The following MYH15 variants were observed in gnomAD, a reference collection of about 807,000 sequenced individuals.
MYH15 encodes the protein myosin heavy chain 15.
A neutral mutation model predicts 240.5 loss-of-function variants in MYH15; 227 were observed. The ratio of observed to expected loss-of-function variants is 0.94; its 90% confidence interval spans 0.85 to 1.05. The LOEUF is 1.05. MYH15 is among the 50% of genes least tolerant of loss of function. The pLI, the probability that MYH15 is intolerant of heterozygous loss-of-function variation, is 0.00. For synonymous variants in MYH15, 785 were observed against 796.7 expected (o/e 0.99, Z 0.25); for missense variants, 2,217 against 2,247.5 (o/e 0.99, Z 0.27).
At chr3:108,476,663 C>T in intron 11 of MYH15, 148 bp from the exon 12 acceptor site, 1 of 523,068 alleles carries the variant, frequency 1.9e-6, no homozygotes, top group East Asian at 3.0e-5. Flanking sequence ...CAAATAAATG[C>T]CTGAATCCTA....
chr3:108,481,850 G>T (rs958796284), intron 11 of MYH15, among the ~76,000 whole-genome samples: 7 of 152,172 alleles, frequency 4.6e-5, no homozygotes, highest in Admixed American at 4.6e-4. Context: ...ATATCATAGA[G>T]GTTAAGGAAG....
the MYH15 span, among the ~76,000 whole-genome samples, chr3:108,541,848 A>G: frequency 0.43 from 65,009 of 151,954 alleles, 14,800 homozygotes; most frequent in East Asian, 0.59. Context: ...ATATCATGAA[A>G]TGATTTCCTA....
At chr3:108,535,852 A>T in the MYH15 span, among the ~76,000 whole-genome samples, 1 of 152,328 alleles carries the variant, frequency 6.6e-6, no homozygotes, top group Admixed American at 6.5e-5. Flanking sequence ...CTCTGGCATG[A>T]GTATTCGCTA....
chr3:108,428,645 A>T lies in MYH15; in HGVS notation c.3549T>A (p.Ser1183=), dbSNP rs1443905001. 6.2e-7 allele frequency: 1 copy of T among 1,613,096 alleles called. No homozygotes were observed. The highest frequency in any genetic ancestry group is 1.7e-5 in the Admixed American group (1 of 59,878). ...ATLHFETTSA[S]LKKRHADSLA... Reference sequence around the variant, plus strand: ...GGCTGTCTGCATGTCTCTTCTTCAAAGATGCAGAAGTTGTCTCAAAGTGCA... The same window carrying T: ...GGCTGTCTGCATGTCTCTTCTTCAATGATGCAGAAGTTGTCTCAAAGTGCA... Residue 1183 remains serine (S), a synonymous_variant, in exon 27 of 41, where the codon TCT becomes TCA. Coordinates refer to ENST00000693548, the MANE Select transcript of MYH15 (RefSeq NM_014981.3).
intron 27 of MYH15, among the ~76,000 whole-genome samples, chr3:108,425,544 C>T (rs558522657): frequency 1.1e-4 from 17 of 152,144 alleles, no homozygotes; most frequent in South Asian, 2.1e-4. Flanking sequence ...TGACCTGCTG[C>T]GATAATTGAC....
Position 108,475,849 on chromosome 3 carries a change from A to G in MYH15, c.1233+548T>C, listed in dbSNP as rs113057413. Among the ~76,000 whole-genome samples the G allele has an allele frequency of 9.2e-3, 1,404 of 152,314 alleles. 22 individuals carry two copies. The highest frequency in any genetic ancestry group is 0.032 in the African/African-American group (1,323 of 41,572). ...TTTACTGCATTAAGGCAAAGCCTCA[A>G]AGAATTTGTTATTCTCTACTATAAC... On this transcript the variant is annotated intron_variant, in intron 12 of 40. Transcript: ENST00000693548.
intron 27 of MYH15, among the ~76,000 whole-genome samples, chr3:108,423,141 T>C (rs2082697297): frequency 6.6e-6 from 1 of 152,124 alleles, no homozygotes; most frequent in Non-Finnish European, 1.5e-5. Context: ...CGCCCGCAGC[T>C]TGAATCCCAG....
At position 108,391,935 on chromosome 3, in the gene MYH15, G is replaced by A. The variant is rs1262384182; in HGVS notation, c.5260-5C>T. 1 of 1,612,064 alleles carries A rather than the reference G, an allele frequency of 6.2e-7. No homozygotes were observed. The highest frequency in any genetic ancestry group is 8.5e-7 in the Non-Finnish European group (1 of 1,179,322). ...TTCTTCTGACAAGTTTGCTGCCTAG[G>A]GGGTTAAAAAAAGGGACTGAGCTAG... On this transcript the variant is annotated splice_region_variant and splice_polypyrimidine_tract_variant and intron_variant, in intron 36 of 40. Coordinates refer to ENST00000693548, the MANE Select transcript of MYH15 (RefSeq NM_014981.3).
intron 27 of MYH15, among the ~76,000 whole-genome samples, chr3:108,427,635 C>CAGAG (rs1553766067): frequency 2.5e-4 from 36 of 146,718 alleles, no homozygotes; most frequent in East Asian, 2.0e-3. Flanking sequence ...CACACACACA[C>CAGAG]AGAGAGAGAG....
At chr3:108,529,383 A>C (rs78533062), upstream of MYH15, 1,572 of 788,984 alleles carry the variant, frequency 2.0e-3, 10 homozygotes, top group African/African-American at 0.024. Context: ...TGTTGACAGC[A>C]TGGGAAATCT....
At chr3:108,502,477 G>A (rs2083445500) in intron 2 of MYH15, among the ~76,000 whole-genome samples, 1 of 152,030 alleles carries the variant, frequency 6.6e-6, no homozygotes. Context: ...CTTTAATGAA[G>A]TTCAAAAACT....
chr3:108,542,103 A>G, the MYH15 span, among the ~76,000 whole-genome samples: 18 of 152,210 alleles, frequency 1.2e-4, no homozygotes, highest in African/African-American at 4.1e-4. Context: ...AGACTTACAA[A>G]TTTTAGTAAA....
rs2082678607 is a variant in MYH15, at chr3:108,421,077, T to C, written c.3829+11A>G. 1.9e-6 allele frequency: 3 copies of C among 1,613,760 alleles called. No individual in the cohort carries two copies. The highest frequency in any genetic ancestry group is 1.1e-5 in the South Asian group (1 of 91,066). ...AGAATTGCCTATGAGTCAAGCAGCATACTTACTTACCACTCTCACTCCACA... is the reference window on the plus strand; with the variant it reads ...AGAATTGCCTATGAGTCAAGCAGCACACTTACTTACCACTCTCACTCCACA... On this transcript the variant is annotated intron_variant, in intron 28 of 40. Coordinates refer to ENST00000693548, the MANE Select transcript of MYH15 (RefSeq NM_014981.3).
At chr3:108,491,749 C>T (rs2083350031) in intron 9 of MYH15, among the ~76,000 whole-genome samples, 1 of 152,158 alleles carries the variant, frequency 6.6e-6, no homozygotes, top group East Asian at 1.9e-4. Flanking sequence ...CAGAAACCAT[C>T]GGAATAAAAT....
intron 12 of MYH15, among the ~76,000 whole-genome samples, chr3:108,475,991 T>C (rs567519455): frequency 6.6e-6 from 1 of 152,296 alleles, no homozygotes; most frequent in Admixed American, 6.5e-5. Context: ...GTTTCTCAAC[T>C]AACGTGTCAC....
chr3:108,506,986 G>A (rs367814930), intron 1 of MYH15, among the ~76,000 whole-genome samples: 46 of 152,022 alleles, frequency 3.0e-4, no homozygotes, highest in Middle Eastern at 3.4e-3. Context: ...AGCCGAGATC[G>A]TGCCATTGCA....
At chr3:108,433,735 C>T (rs930074446) in intron 25 of MYH15, among the ~76,000 whole-genome samples, 1 of 152,146 alleles carries the variant, frequency 6.6e-6, no homozygotes, top group Non-Finnish European at 1.5e-5. Flanking sequence ...ATGTGACTTC[C>T]TCCTCCTTGT....
chr3:108,487,623 G>A (rs1314888147), intron 9 of MYH15, among the ~76,000 whole-genome samples: 2 of 152,164 alleles, frequency 1.3e-5, no homozygotes, highest in Admixed American at 1.3e-4. Flanking sequence ...AGGGACTGGG[G>A]CTGGGAAAGG....
chr3:108,529,706 T>C (rs1017266104), upstream of MYH15, among the ~76,000 whole-genome samples: 29 of 152,122 alleles, frequency 1.9e-4, no homozygotes, highest in Admixed American at 8.5e-4. Flanking sequence ...GTTTAAATAA[T>C]TGATTAATAA....
Sources: gnomAD v4.1 joint callset for allele counts (sites outside exome capture counted in the v4.1 genomes callset) on GRCh38, gnomAD v4.1.1 for gene constraint, MANE v1.5 for transcripts, NCBI Gene and HGNC (gene_info 2026-07-23, HGNC 2026-07-21) for gene names.